The following ATXN7L1 variants were observed in gnomAD, a reference collection of about 807,000 sequenced individuals.
ATXN7L1 encodes ataxin 7 like 1.
Under a neutral mutation model 70.8 loss-of-function variants are expected in ATXN7L1, and 15 were observed. That is an observed-to-expected ratio of 0.21 (90% CI 0.14 to 0.33). The LOEUF is 0.33. Ranked by LOEUF, ATXN7L1 falls within the 10% of genes least tolerant of loss-of-function variation. The pLI, the probability that ATXN7L1 is intolerant of heterozygous loss-of-function variation, is 1.00. For missense variants in ATXN7L1, 975 were observed against 1,097.1 expected (o/e 0.89, Z 1.57); for synonymous variants, 440 against 445.1 (o/e 0.99, Z 0.14).
chr7:105,705,781 C>A (rs1368743730), intron 3 of ATXN7L1, among the ~76,000 whole-genome samples: 1 of 152,176 alleles, frequency 6.6e-6, no homozygotes, highest in Non-Finnish European at 1.5e-5. Flanking sequence ...CAAACATTAG[C>A]GCATTTGGGA....
At chr7:105,636,459 C>A (rs978116311) in intron 7 of ATXN7L1, among the ~76,000 whole-genome samples, 6 of 151,734 alleles carry the variant, frequency 4.0e-5, no homozygotes, top group Non-Finnish European at 7.4e-5. Flanking sequence ...CCCCCCCACC[C>A]CCACTTCTTT....
At chr7:105,850,709 C>T (rs1365753426) in intron 2 of ATXN7L1, among the ~76,000 whole-genome samples, 2 of 152,192 alleles carry the variant, frequency 1.3e-5, no homozygotes. Flanking sequence ...GGTACCCATG[C>T]TCCATATGGC....
intron 2 of ATXN7L1, among the ~76,000 whole-genome samples, chr7:105,831,911 CT>C (rs1811677772): frequency 6.6e-6 from 1 of 152,152 alleles, no homozygotes; most frequent in Admixed American, 6.5e-5. Context: ...TGCTTCTTCT[CT>C]GCAAAAGACT....
At chr7:105,799,618 A>G (rs901084106) in intron 2 of ATXN7L1, among the ~76,000 whole-genome samples, 1 of 151,674 alleles carries the variant, frequency 6.6e-6, no homozygotes, top group Non-Finnish European at 1.5e-5. Context: ...TTTTCTCCCT[A>G]TGGAACGCCT....
chr7:105,633,535 C>T (rs762855030), intron 7 of ATXN7L1, among the ~76,000 whole-genome samples: 2 of 151,926 alleles, frequency 1.3e-5, no homozygotes, highest in African/African-American at 2.4e-5. Context: ...CTGGCCAACA[C>T]GGTGAAACCC....
intron 3 of ATXN7L1, among the ~76,000 whole-genome samples, chr7:105,687,767 TC>T (rs35697241): frequency 6.6e-6 from 1 of 152,174 alleles, no homozygotes; most frequent in Non-Finnish European, 1.5e-5. Context: ...TGCATCCTCC[TC>T]CTTGGGCTGT....
At chr7:105,751,311 C>T (rs373374581) in intron 3 of ATXN7L1, among the ~76,000 whole-genome samples, 2 of 152,094 alleles carry the variant, frequency 1.3e-5, no homozygotes, top group East Asian at 1.9e-4. Context: ...GATGCCTATT[C>T]ACAAACAAAA....
Position 105,671,104 on chromosome 7 carries a change from C to CAAAAAAAA in ATXN7L1, c.356-5824_356-5817dup, listed in dbSNP as rs71155469. Among the ~76,000 whole-genome samples the CAAAAAAAA allele has an allele frequency of 1.3e-4, 12 of 89,702 alleles. 1 individual carries two copies. The highest frequency in any genetic ancestry group is 1.7e-3 in the East Asian group (2 of 1,184). The allele number at this position is 89,702 out of a possible 152,430, so 58.8% of individuals were successfully genotyped here. ...CCTGGGCGACAGCGAGACTACGTCT[C>CAAAAAAAA]AAAAAAAAAAAAAAAAAAAAAAAAA... On this transcript the variant is annotated intron_variant, in intron 3 of 11. Coordinates refer to ENST00000419735, the MANE Select transcript of ATXN7L1 (RefSeq NM_020725.2).
intron 3 of ATXN7L1, among the ~76,000 whole-genome samples, chr7:105,716,129 T>G (rs1260842336): frequency 2.6e-5 from 4 of 152,096 alleles, no homozygotes; most frequent in African/African-American, 9.7e-5. Flanking sequence ...TATTAGTCTG[T>G]TTTTCAATCT....
At chr7:105,857,421 G>A (rs1349094426) in intron 2 of ATXN7L1, among the ~76,000 whole-genome samples, 2 of 152,186 alleles carry the variant, frequency 1.3e-5, no homozygotes, top group Non-Finnish European at 2.9e-5. Flanking sequence ...AGAGGGCAGG[G>A]CCACTGTTCC....
chr7:105,869,580 C>T (rs1585197896), intron 2 of ATXN7L1, among the ~76,000 whole-genome samples: 1 of 152,188 alleles, frequency 6.6e-6, no homozygotes, highest in Non-Finnish European at 1.5e-5. Context: ...GTTCTCTGCA[C>T]CCTCCTATAT....
intron 2 of ATXN7L1, among the ~76,000 whole-genome samples, chr7:105,816,108 G>A (rs1295384912): frequency 1.3e-5 from 2 of 152,204 alleles, no homozygotes; most frequent in Admixed American, 6.5e-5. Flanking sequence ...GGGAGGAGAA[G>A]TGAGGGTGGG....
At chr7:105,723,235 T>C (rs771775628) in intron 3 of ATXN7L1, among the ~76,000 whole-genome samples, 2 of 152,196 alleles carry the variant, frequency 1.3e-5, no homozygotes, top group East Asian at 3.8e-4. Context: ...TAGCTGTTAG[T>C]CTTTGGTCAA....
At position 105,619,140 on chromosome 7, in the gene ATXN7L1, GTTTTTT is replaced by G. The variant is rs1191774371; in HGVS notation, c.1517+1054_1517+1059del. Reference sequence around the variant, plus strand: ...GTCCACAACCATAATGAAATCTTTAGTTTTTTTTTTTTTTTTTTTTTTTTTGAGACG... The same window carrying G: ...GTCCACAACCATAATGAAATCTTTAGTTTTTTTTTTTTTTTTTTTGAGACG... On this transcript the variant is annotated intron_variant, in intron 9 of 11. Coordinates refer to ENST00000419735, the MANE Select transcript of ATXN7L1 (RefSeq NM_020725.2). Among the ~76,000 whole-genome samples, 80 of 49,844 alleles carry G rather than the reference GTTTTTT, an allele frequency of 1.6e-3. 2 individuals are homozygous for G. In the South Asian group the frequency reaches 0.073, roughly 45 times the overall value. The allele number at this position is 49,844 out of a possible 152,430, so 32.7% of individuals were successfully genotyped here.
chr7:105,738,678 C>G (rs1270106909), intron 3 of ATXN7L1, among the ~76,000 whole-genome samples: 1 of 152,230 alleles, frequency 6.6e-6, no homozygotes, highest in African/African-American at 2.4e-5. Context: ...CCCATGTAAT[C>G]CGGCTCCCTG....
chr7:105,739,145 T>C (rs1308195397), intron 3 of ATXN7L1, among the ~76,000 whole-genome samples: 1 of 152,220 alleles, frequency 6.6e-6, no homozygotes, highest in East Asian at 1.9e-4. Context: ...TTTAGGGACC[T>C]GGAACCATGC....
intron 2 of ATXN7L1, among the ~76,000 whole-genome samples, chr7:105,868,185 A>G (rs1351170053): frequency 6.6e-6 from 1 of 152,144 alleles, no homozygotes; most frequent in Non-Finnish European, 1.5e-5. Flanking sequence ...TTCCTCTGGG[A>G]GGCCGGCACT....
intron 2 of ATXN7L1, among the ~76,000 whole-genome samples, chr7:105,859,939 T>C (rs752162712): frequency 6.7e-6 from 1 of 150,338 alleles, no homozygotes; most frequent in Non-Finnish European, 1.5e-5. Flanking sequence ...TGTGTGACCA[T>C]GCCTGGCTAA....
At chr7:105,734,832 A>G (rs1196522241) in intron 3 of ATXN7L1, among the ~76,000 whole-genome samples, 1 of 147,050 alleles carries the variant, frequency 6.8e-6, no homozygotes, top group East Asian at 2.1e-4. Flanking sequence ...GTGAGAGAGA[A>G]TACAAATATG....
Sources: gnomAD v4.1 joint callset for allele counts (sites outside exome capture counted in the v4.1 genomes callset) on GRCh38, gnomAD v4.1.1 for gene constraint, MANE v1.5 for transcripts, NCBI Gene and HGNC (gene_info 2026-07-23, HGNC 2026-07-21) for gene names.